TIAM1: variants seen among roughly 807,000 people sequenced by gnomAD.
TIAM1 encodes TIAM Rac1 associated GEF 1.
In TIAM1, 65 loss-of-function variants were observed where a neutral mutation model predicts 163.5. That is an observed-to-expected ratio of 0.40 (90% CI 0.33 to 0.49). The LOEUF (loss-of-function observed/expected upper bound fraction) is 0.49, where lower values mean the gene tolerates loss of function less well. TIAM1 is among the 20% of genes least tolerant of loss of function. The pLI is 0.77. For synonymous variants in TIAM1, 833 were observed against 810.1 expected, an observed-to-expected ratio of 1.03 and a Z score of -0.48; for missense variants, 1,789 against 2,044.7, an observed-to-expected ratio of 0.87 and a Z score of 2.41.
chr21:31,231,554 G>A (rs558168530), intron 6 of TIAM1, among the ~76,000 whole-genome samples: 6 of 152,170 alleles, frequency 3.9e-5, no homozygotes, highest in Non-Finnish European at 8.8e-5. Context: ...AAGGAAAAAC[G>A]AAGGAAGCTG....
intron 1 of TIAM1, among the ~76,000 whole-genome samples, chr21:31,518,768 G>C (rs2047467552): frequency 6.6e-6 from 1 of 152,172 alleles, no homozygotes; most frequent in African/African-American, 2.4e-5. Context: ...GACAAAGCCA[G>C]GTGCAAGTAA....
chr21:31,440,382 TG>T (rs1479482682), intron 2 of TIAM1, among the ~76,000 whole-genome samples: 1 of 152,200 alleles, frequency 6.6e-6, no homozygotes, highest in East Asian at 1.9e-4. Flanking sequence ...TAAGAAAATC[TG>T]ATCACCACAC....
chr21:31,429,440 A>G (rs772197184), intron 2 of TIAM1, among the ~76,000 whole-genome samples: 2 of 151,122 alleles, frequency 1.3e-5, no homozygotes, highest in African/African-American at 2.5e-5. Context: ...AACGTTGCAC[A>G]TGGAAAAAAA....
At chr21:31,258,959 C>A (rs1050182771) in intron 4 of TIAM1, among the ~76,000 whole-genome samples, 1 of 152,118 alleles carries the variant, frequency 6.6e-6, no homozygotes, top group Non-Finnish European at 1.5e-5. Flanking sequence ...CCATTGGGAT[C>A]CATGGAGACC....
chr21:31,431,571 T>G (rs1161241801), intron 2 of TIAM1, among the ~76,000 whole-genome samples: 4 of 152,232 alleles, frequency 2.6e-5, no homozygotes, highest in African/African-American at 9.6e-5. Context: ...AGAAATCATT[T>G]TATTTATTTT....
chr21:31,350,933 A>G (rs12482192), intron 2 of TIAM1, among the ~76,000 whole-genome samples: 1,731 of 152,332 alleles, frequency 0.011, 20 homozygotes, highest in South Asian at 0.03. Context: ...TGTACTAACC[A>G]CAGGCACAAA....
intron 2 of TIAM1, among the ~76,000 whole-genome samples, chr21:31,301,168 G>A (rs1231747418): frequency 6.6e-6 from 1 of 152,334 alleles, no homozygotes; most frequent in East Asian, 1.9e-4. Context: ...AATGGAAGTT[G>A]TATCAGCTCG....
chr21:31,554,537 C>T (rs2123331823), intron 1 of TIAM1, among the ~76,000 whole-genome samples: 1 of 152,300 alleles, frequency 6.6e-6, no homozygotes, highest in African/African-American at 2.4e-5. Flanking sequence ...GAAAGAAATA[C>T]TTGGTGACAG....
At chr21:31,341,320 AG>A (rs2076009611) in intron 1 of TIAM1, among the ~76,000 whole-genome samples, 1 of 152,186 alleles carries the variant, frequency 6.6e-6, no homozygotes, top group Non-Finnish European at 1.5e-5. Context: ...CACAGTCAAA[AG>A]GGGCAGAGCA....
At chr21:31,158,622 A>T (rs1177798046) in intron 16 of TIAM1, among the ~76,000 whole-genome samples, 1 of 152,226 alleles carries the variant, frequency 6.6e-6, no homozygotes. Flanking sequence ...ATTTGCTTGG[A>T]AACAAATTAA....
chr21:31,496,679 G>C (rs2046664543), intron 1 of TIAM1, among the ~76,000 whole-genome samples: 1 of 152,044 alleles, frequency 6.6e-6, no homozygotes, highest in African/African-American at 2.4e-5. Context: ...TTAGTGTCCA[G>C]AATGTCCTAG....
chr21:31,153,250 G>T (rs2083462359), intron 17 of TIAM1, 116 bp from the exon 18 acceptor site: 2 of 822,852 alleles, frequency 2.4e-6, no homozygotes. Context: ...AGAACAAACA[G>T]ATCCTGTCCC....
chr21:31,120,867 A>T lies in TIAM1; in HGVS notation c.4307-30T>A, dbSNP rs1182183352. 1 of 1,550,190 alleles carries T rather than the reference A, an allele frequency of 6.5e-7. No individual in the cohort carries two copies. The highest frequency in any genetic ancestry group is 1.2e-5 in the South Asian group (1 of 81,158). On this transcript the variant is annotated intron_variant, in intron 27 of 27. Transcript: ENST00000541036. The surrounding 1 kb of genome is among the most constrained non-coding windows in gnomAD (Gnocchi z 4.2). ...ACACACACACAAAAATATAAAAATA[A>T]AACCCCCACATGCTTTACGTGAGAT...
chr21:31,241,406 T>G (rs2071168600), intron 6 of TIAM1, among the ~76,000 whole-genome samples: 1 of 152,228 alleles, frequency 6.6e-6, no homozygotes. Flanking sequence ...TGCAAACTTC[T>G]GTTCTTAGGA....
chr21:31,514,106 C>G (rs976384105), intron 1 of TIAM1, among the ~76,000 whole-genome samples: 6 of 152,162 alleles, frequency 3.9e-5, no homozygotes, highest in Admixed American at 6.5e-5. Context: ...AAAAGCGGCT[C>G]TGACCCCATC....
At chr21:31,372,587 G>A (rs1007050727) in intron 2 of TIAM1, among the ~76,000 whole-genome samples, 2 of 152,214 alleles carry the variant, frequency 1.3e-5, no homozygotes, top group Non-Finnish European at 2.9e-5. Context: ...AAGAGAAGAT[G>A]TGGACAGGAA....
At chr21:31,521,310 C>T (rs58052470) in intron 1 of TIAM1, among the ~76,000 whole-genome samples, 9,103 of 152,218 alleles carry the variant, frequency 0.06, 493 homozygotes, top group Admixed American at 0.16. Context: ...TAGAGTTTCT[C>T]TTCAAGATTA....
intron 2 of TIAM1, among the ~76,000 whole-genome samples, chr21:31,394,728 TCACACA>T (rs71318270): frequency 0.032 from 3,054 of 95,418 alleles, 86 homozygotes; most frequent in African/African-American, 0.082. Context: ...TCTCTCTCTC[TCACACA>T]CACACACACA....
At chr21:31,393,920 CT>C (rs1182522259) in intron 2 of TIAM1, among the ~76,000 whole-genome samples, 1 of 151,870 alleles carries the variant, frequency 6.6e-6, no homozygotes, top group Non-Finnish European at 1.5e-5. Flanking sequence ...TAAAGATTTT[CT>C]TTTTTTAATA....
Sources: allele counts gnomAD v4.1 joint callset (sites outside exome capture counted in the v4.1 genomes callset), GRCh38; gene constraint gnomAD v4.1.1; non-coding constraint Gnocchi (gnomAD v3.1); transcripts MANE v1.5; gene names NCBI Gene and HGNC (gene_info 2026-07-23, HGNC 2026-07-21).